The following HIKESHI variants were observed in gnomAD, a reference collection of about 807,000 sequenced individuals.
The protein encoded by HIKESHI is heat shock protein nuclear import factor hikeshi.
A neutral mutation model predicts 25.7 loss-of-function variants in HIKESHI; 13 were observed. The observed-to-expected ratio is 0.51, with a 90% CI of 0.33 to 0.80. HIKESHI has a LOEUF of 0.80. Ranked by LOEUF, HIKESHI falls within the 30% of genes least tolerant of loss-of-function variation. HIKESHI has a pLI of 0.02. For synonymous variants in HIKESHI, 76 were observed against 78.7 expected (o/e 0.97, Z 0.18); for missense variants, 174 against 229.5 (o/e 0.76, Z 1.56).
intron 2 of HIKESHI, chr11:86,326,619 G>A: frequency 4.4e-6 from 2 of 451,750 alleles, no homozygotes; most frequent in Non-Finnish European, 8.9e-6. Flanking sequence ...ATAGTGAGCT[G>A]AGATAAATGA....
chr11:86,334,100 C>G (rs1947485925), intron 2 of HIKESHI, among the ~76,000 whole-genome samples: 1 of 152,126 alleles, frequency 6.6e-6, no homozygotes, highest in African/African-American at 2.4e-5. Flanking sequence ...CAGGACATAG[C>G]CCATTTCAGC....
At chr11:86,321,509 G>A (rs536559463) in intron 2 of HIKESHI, among the ~76,000 whole-genome samples, 19 of 151,468 alleles carry the variant, frequency 1.3e-4, no homozygotes, top group South Asian at 6.3e-4. Flanking sequence ...GTCAAACTAC[G>A]TTCCAACATG....
At chr11:86,321,866 C>T (rs555561174) in intron 2 of HIKESHI, among the ~76,000 whole-genome samples, 1 of 152,196 alleles carries the variant, frequency 6.6e-6, no homozygotes, top group South Asian at 2.1e-4. Context: ...ATGAAAGTTC[C>T]AGTTCTTTCA....
intron 2 of HIKESHI, among the ~76,000 whole-genome samples, chr11:86,309,908 C>G (rs1275388436): frequency 6.6e-6 from 1 of 151,960 alleles, no homozygotes; most frequent in Non-Finnish European, 1.5e-5. Context: ...TCCGAGGGCT[C>G]TATTCTGTTC....
chr11:86,303,778 T>C (rs291242), intron 1 of HIKESHI, among the ~76,000 whole-genome samples: 107,944 of 152,014 alleles, frequency 0.71, 38,673 homozygotes, highest in East Asian at 0.82. Context: ...AAGAAAAATC[T>C]ACTTATCTAA....
intron 4 of HIKESHI, 194 bp downstream of exon 4, chr11:86,344,915 G>T: frequency 5.7e-6 from 3 of 527,812 alleles, no homozygotes; most frequent in South Asian, 4.2e-5. Context: ...TTATATTGTC[G>T]CCATTATGAA....
intron 2 of HIKESHI, among the ~76,000 whole-genome samples, chr11:86,323,731 T>C (rs943389847): frequency 3.3e-5 from 5 of 152,212 alleles, no homozygotes; most frequent in African/African-American, 1.2e-4. Flanking sequence ...GGGGAGGCAC[T>C]TTAGGATCAT....
intron 3 of HIKESHI, among the ~76,000 whole-genome samples, chr11:86,340,230 T>G (rs1471240334): frequency 2.0e-5 from 3 of 152,244 alleles, no homozygotes; most frequent in Non-Finnish European, 4.4e-5. Context: ...TGTGTCTTTA[T>G]AGCAGCATGA....
intron 3 of HIKESHI, among the ~76,000 whole-genome samples, chr11:86,337,832 A>AT (rs577682187): frequency 8.1e-5 from 12 of 147,440 alleles, no homozygotes; most frequent in South Asian, 4.3e-4. Flanking sequence ...TAAGTTTTGT[A>AT]TTTTTTTTTT....
Position 86,306,260 on chromosome 11 carries a change from C to T in HIKESHI, c.46C>T (p.Gln16Ter). Residue 16 changes from glutamine (Q) to a stop codon, truncating the protein, a stop_gained, in exon 2 of 5, where the codon CAG becomes TAG. Transcript: ENST00000278483. LOFTEE classifies it high-confidence loss of function. ...VAGRLVQTAA[Q>*]QVAEDKFVFD... ...TATTTTCTAGGTGCAAACAGCTGCA[C>T]AGCAAGTGGCAGAGGATAAATTTGT... The T allele has an allele frequency of 1.2e-6, 2 of 1,612,630 alleles. No individual in the cohort carries two copies. The highest frequency in any genetic ancestry group is 1.7e-6 in the Non-Finnish European group (2 of 1,178,772).
chr11:86,339,315 TG>T (rs1311911576), intron 3 of HIKESHI, among the ~76,000 whole-genome samples: 4 of 152,244 alleles, frequency 2.6e-5, no homozygotes, highest in Non-Finnish European at 5.9e-5. Context: ...CCCAAAGTGC[TG>T]GGATTTCAGG....
At chr11:86,305,442 A>G (rs1946598133) in intron 1 of HIKESHI, among the ~76,000 whole-genome samples, 1 of 151,920 alleles carries the variant, frequency 6.6e-6, no homozygotes, top group Admixed American at 6.6e-5. Flanking sequence ...AGGCTGGTGC[A>G]ATGGCGCGAT....
At chr11:86,316,115 TA>T (rs11340933) in intron 2 of HIKESHI, among the ~76,000 whole-genome samples, 45,818 of 75,232 alleles carry the variant, frequency 0.61, 13,446 homozygotes, top group East Asian at 0.75. Flanking sequence ...CTGTCTCCAT[TA>T]AAAAAAAAAA....
At chr11:86,306,508 T>C in intron 2 of HIKESHI, 26 bp downstream of exon 2, 1 of 1,378,398 alleles carries the variant, frequency 7.3e-7, no homozygotes, top group Non-Finnish European at 1.0e-6. Context: ...TAAAGTAGTT[T>C]TATAATTAAT....
rs34980731 is a variant in HIKESHI at position 86,342,478 on chromosome 11, CGTGTGTGT to C, written c.421-2088_421-2081del. On this transcript the variant is annotated intron_variant, in intron 3 of 4. Transcript: ENST00000278483. Reference sequence around the variant, plus strand: ...TGATATGTAAAGATATAAAGATGTTCGTGTGTGTGTGTGTGTGTGTGTGTGTGTGTGTG... The same window carrying C: ...TGATATGTAAAGATATAAAGATGTTCGTGTGTGTGTGTGTGTGTGTGTGTG... Among the ~76,000 whole-genome samples, 234 of 147,456 alleles carry C rather than the reference CGTGTGTGT, an allele frequency of 1.6e-3. 1 individual carries two copies. The highest frequency in any genetic ancestry group is 7.4e-3 in the East Asian group (37 of 4,990).
At chr11:86,343,404 G>A (rs2138434826) in intron 3 of HIKESHI, 1 of 152,174 alleles carries the variant, frequency 6.6e-6, no homozygotes, top group Admixed American at 6.5e-5. Flanking sequence ...GGAGGCTGAG[G>A]TGAGAGGATT....
At chr11:86,322,419 GTA>G (rs1227213056) in intron 2 of HIKESHI, among the ~76,000 whole-genome samples, 2 of 151,978 alleles carry the variant, frequency 1.3e-5, no homozygotes, top group Non-Finnish European at 2.9e-5. Flanking sequence ...GTGTGTGTAT[GTA>G]TATATATGTG....
intron 3 of HIKESHI, among the ~76,000 whole-genome samples, chr11:86,339,919 G>A (rs368465498): frequency 4.7e-5 from 4 of 85,998 alleles, no homozygotes; most frequent in East Asian, 3.5e-4. Context: ...AGACAGACCC[G>A]CCCGCCGTGT....
chr11:86,313,508 A>T (rs1946891298), intron 2 of HIKESHI, among the ~76,000 whole-genome samples: 1 of 152,228 alleles, frequency 6.6e-6, no homozygotes, highest in Non-Finnish European at 1.5e-5. Context: ...CTGGGATTAC[A>T]GGCATGAAAA....
Sources: gnomAD v4.1 joint callset for allele counts (sites outside exome capture counted in the v4.1 genomes callset) on GRCh38, gnomAD v4.1.1 for gene constraint, MANE v1.5 for transcripts, NCBI Gene and HGNC (gene_info 2026-07-23, HGNC 2026-07-21) for gene names.